The following SCP2 variants were observed in gnomAD, a reference collection of about 807,000 sequenced individuals.
SCP2 encodes SCP-2/3-oxoacyl-CoA thiolase.
Under a neutral mutation model 71.4 loss-of-function variants are expected in SCP2, and 48 were observed. The ratio of observed to expected loss-of-function variants is 0.67; its 90% CI spans 0.53 to 0.86. The LOEUF (loss-of-function observed/expected upper bound fraction) is 0.86, where lower values mean the gene tolerates loss of function less well. Ranked by LOEUF, SCP2 falls within the 40% of genes least tolerant of loss-of-function variation. The pLI, the probability that SCP2 is intolerant of heterozygous loss-of-function variation, is 0.00. For missense variants in SCP2, 560 were observed against 655.6 expected (o/e 0.85, Z 1.59); for synonymous variants, 220 against 218.1 (o/e 1.01, Z -0.08).
At chr1:53,003,463 G>T (rs1466274508) in intron 11 of SCP2, among the ~76,000 whole-genome samples, 1 of 152,056 alleles carries the variant, frequency 6.6e-6, no homozygotes, top group Non-Finnish European at 1.5e-5. Flanking sequence ...AAAGCAATCT[G>T]CCCATGTTGG....
Position 53,015,032 on chromosome 1 carries a change from G to T in SCP2, c.1224G>T (p.Pro408=). 6.2e-7 allele frequency: 1 copy of T among 1,614,084 alleles called. No individual in the cohort carries two copies. Among genetic ancestry groups the T allele is most frequent in the Non-Finnish European group, 8.5e-7 (1 of 1,180,000 alleles). ...TAACACTCTACAAGATGGGTTTTCC[G>T]GAAGCCGCCAGGTGAGTGACATTCA... ...VVVTLYKMGF[P]EAASSFRTHQ... The change falls in exon 12 of 16, where the codon CCG becomes CCT. Residue 408 remains proline, a synonymous_variant. Transcript: ENST00000371514.
intron 1 of SCP2, among the ~76,000 whole-genome samples, chr1:52,931,589 T>G (rs977699577): frequency 1.3e-5 from 2 of 152,228 alleles, no homozygotes; most frequent in East Asian, 3.8e-4. Context: ...TATACTACCT[T>G]CCTGGCAGAG....
Position 52,927,389 on chromosome 1 carries a change from G to T in SCP2, c.-8G>T. On this transcript the variant is annotated 5_prime_UTR_variant, in exon 1 of 16. Transcript: ENST00000371514. The stretch of plus-strand genomic sequence containing the variant: ...CGGCGCCCGCCCCGGTCCCGCACTG[G>T]TGCAGCCATGTCCTCTTCCCCGTGG... The T allele has an allele frequency of 6.3e-7, 1 of 1,584,356 alleles. No individual in the cohort carries two copies. The highest frequency in any genetic ancestry group is 8.6e-7 in the Non-Finnish European group (1 of 1,166,500).
intron 6 of SCP2, 93 bp downstream of exon 6, chr1:52,961,722 C>A: frequency 1.8e-6 from 2 of 1,103,920 alleles, no homozygotes; most frequent in Non-Finnish European, 2.8e-6. Context: ...GTGGAGGATG[C>A]CAGGATATAT....
At chr1:52,970,681 T>C (rs886960541) in intron 6 of SCP2, among the ~76,000 whole-genome samples, 6 of 152,110 alleles carry the variant, frequency 3.9e-5, no homozygotes, top group African/African-American at 7.2e-5. Flanking sequence ...GGTCTTTCTT[T>C]TCTTGGTAGT....
chr1:52,985,919 C>A (rs891802239), intron 10 of SCP2, among the ~76,000 whole-genome samples: 4 of 152,154 alleles, frequency 2.6e-5, no homozygotes, highest in Non-Finnish European at 5.9e-5. Flanking sequence ...GTGTCCTATA[C>A]CCTTTCCCTG....
rs60893788 is a variant in SCP2, at chr1:52,999,815, G to GTTT, written c.1081+11696_1081+11698dup. Among the ~76,000 whole-genome samples the GTTT allele has an allele frequency of 6.0e-3, 660 of 109,358 alleles. 32 individuals are homozygous for GTTT. The highest frequency in any genetic ancestry group is 0.023 in the African/African-American group (630 of 27,286). The allele number at this position is 109,358 out of a possible 152,430, so 71.7% of individuals were successfully genotyped here. ...ACTATCCAACACTTACTGAACACTT[G>GTTT]TTTTTTTTTTTTTTTTTTTGAGACA... is the stretch of plus-strand genomic sequence containing the variant. On this transcript the variant is annotated intron_variant, in intron 11 of 15. Transcript: ENST00000371514.
chr1:52,972,329 G>A (rs1657570842), intron 6 of SCP2, among the ~76,000 whole-genome samples: 1 of 152,184 alleles, frequency 6.6e-6, no homozygotes, highest in Non-Finnish European at 1.5e-5. Flanking sequence ...TAGTCAATAA[G>A]CCCTTCATCA....
At chr1:53,012,338 G>T (rs1309428797) in intron 11 of SCP2, among the ~76,000 whole-genome samples, 1 of 152,212 alleles carries the variant, frequency 6.6e-6, no homozygotes, top group East Asian at 1.9e-4. Flanking sequence ...TTTCTATAGG[G>T]CTGTTCCATA....
intron 5 of SCP2, among the ~76,000 whole-genome samples, chr1:52,958,095 T>G (rs1416234371): frequency 6.6e-6 from 1 of 152,248 alleles, no homozygotes; most frequent in Non-Finnish European, 1.5e-5. Context: ...GTGTGAACTC[T>G]TTATTCTGTG....
In SCP2 at chr1:53,032,114, TGAA is replaced by T. The variant is rs747550908; in HGVS notation, c.1338+4049_1338+4051del. Among the ~76,000 whole-genome samples, 3 of 152,368 alleles carry T rather than the reference TGAA, an allele frequency of 2.0e-5. No homozygotes were observed. In the East Asian group the frequency reaches 5.8e-4, roughly 29 times the overall value. On this transcript the variant is annotated intron_variant, in intron 13 of 15. Coordinates refer to ENST00000371514, the MANE Select transcript of SCP2 (RefSeq NM_002979.5). ...GAGAGATAAAAGATTTTAAGGAATG[TGAA>T]GAAGACTTTGAACTTTCTTCATTTT... is the stretch of plus-strand genomic sequence containing the variant.
At chr1:53,027,297 T>A (rs1290239368) in intron 12 of SCP2, among the ~76,000 whole-genome samples, 1 of 151,602 alleles carries the variant, frequency 6.6e-6, no homozygotes, top group East Asian at 2.0e-4. Flanking sequence ...TCAAGCGATC[T>A]GTCCGCCTTG....
chr1:52,950,648 G>A (rs1396416117), intron 3 of SCP2, 107 bp from the exon 4 acceptor site: 5 of 858,108 alleles, frequency 5.8e-6, no homozygotes, highest in Non-Finnish European at 9.7e-6. Context: ...TCTTGCACAT[G>A]TTATATGCTA....
intron 10 of SCP2, among the ~76,000 whole-genome samples, chr1:52,985,888 C>T (rs1658942460): frequency 6.6e-6 from 1 of 152,194 alleles, no homozygotes; most frequent in African/African-American, 2.4e-5. Flanking sequence ...AACCACTCAC[C>T]TCCATCTTCC....
intron 11 of SCP2, among the ~76,000 whole-genome samples, chr1:53,011,763 A>T (rs925098097): frequency 1.3e-5 from 2 of 152,208 alleles, no homozygotes; most frequent in Admixed American, 1.3e-4. Context: ...TCTGTAAAAG[A>T]ATCGATTTGC....
chr1:52,996,886 A>G (rs1210982642), intron 11 of SCP2, among the ~76,000 whole-genome samples: 1 of 152,018 alleles, frequency 6.6e-6, no homozygotes, highest in East Asian at 1.9e-4. Flanking sequence ...TTTTTGCAAC[A>G]TCTCCTATCT....
chr1:52,952,062 C>CT (rs1655366765), intron 4 of SCP2, among the ~76,000 whole-genome samples: 1 of 152,072 alleles, frequency 6.6e-6, no homozygotes, highest in African/African-American at 2.4e-5. Context: ...TGAGCCACCA[C>CT]ACCTGGTCAT....
chr1:52,981,212 G>A (rs956680026), intron 10 of SCP2, among the ~76,000 whole-genome samples: 6 of 152,164 alleles, frequency 3.9e-5, no homozygotes, highest in Non-Finnish European at 7.3e-5. Context: ...AATTATAGGC[G>A]TGAGCCACTG....
At chr1:53,034,756 C>G (rs913859345) in intron 13 of SCP2, among the ~76,000 whole-genome samples, 23 of 152,228 alleles carry the variant, frequency 1.5e-4, no homozygotes, top group African/African-American at 5.1e-4. Flanking sequence ...TTGAGTATTT[C>G]AGGTACTTAT....
Sources: gnomAD v4.1 joint callset for allele counts (sites outside exome capture counted in the v4.1 genomes callset) on GRCh38, gnomAD v4.1.1 for gene constraint, MANE v1.5 for transcripts, NCBI Gene and HGNC (gene_info 2026-07-23, HGNC 2026-07-21) for gene names.